Variants in PKD1L1 observed in about 807,000 individuals in gnomAD.
PKD1L1 encodes the protein polycystin 1 like 1, transient receptor potential channel interacting, also known as polycystin-1-like protein 1.
A neutral mutation model predicts 323.4 loss-of-function variants in PKD1L1; 236 were observed. The ratio of observed to expected loss-of-function variants is 0.73; its 90% CI spans 0.66 to 0.81. PKD1L1 has a LOEUF of 0.81. PKD1L1 is among the 40% of genes least tolerant of loss of function. The pLI is 0.00. For missense variants in PKD1L1, 3,320 were observed against 3,508.0 expected (o/e 0.95, Z 1.35); for synonymous variants, 1,344 against 1,335.0 (o/e 1.01, Z -0.15).
At chr7:47,829,894 A>G (rs930132377) in intron 43 of PKD1L1, 146 bp downstream of exon 43, 10 of 833,070 alleles carry the variant, frequency 1.2e-5, no homozygotes, top group Non-Finnish European at 2.0e-5. Context: ...CTTAGCACAG[A>G]GCCTGGCTCC....
intron 46 of PKD1L1, chr7:47,819,623 C>A: frequency 3.2e-6 from 4 of 1,265,350 alleles, no homozygotes; most frequent in South Asian, 1.2e-5. Flanking sequence ...CACTTAATTT[C>A]ACTATTACAA....
chr7:47,784,553 A>T (rs1161289146), intron 56 of PKD1L1, among the ~76,000 whole-genome samples: 2 of 152,058 alleles, frequency 1.3e-5, no homozygotes, highest in East Asian at 3.9e-4. Flanking sequence ...GCTCACTGCA[A>T]CCTCCATCTC....
chr7:47,826,465 G>T (rs988818574), intron 45 of PKD1L1, among the ~76,000 whole-genome samples: 4 of 152,126 alleles, frequency 2.6e-5, no homozygotes, highest in African/African-American at 7.2e-5. Context: ...TCCTTGGAAA[G>T]GGATATGAAA....
Position 47,839,655 on chromosome 7 carries a change from C to T in PKD1L1, c.5560G>A (p.Ala1854Thr). The change falls in exon 36 of 57, where the codon GCC (alanine) becomes ACC (threonine). Residue 1854 changes from alanine (A) to threonine (T), a missense_variant. Coordinates refer to ENST00000289672, the MANE Select transcript of PKD1L1 (RefSeq NM_138295.5). This position sits in a 1 kb window ranked among gnomAD's most constrained non-coding sequence, Gnocchi z 4.3. ...SRHTFILSAP[A>T]QLGLLRKIRL... ...ATCTTCCTCAGCAGGCCCAGTTGGGCAGGAGCGCTGGAGGCACACACAGCA... is the reference window on the plus strand; with the variant it reads ...ATCTTCCTCAGCAGGCCCAGTTGGGTAGGAGCGCTGGAGGCACACACAGCA... The T allele has an allele frequency of 6.4e-7, 1 of 1,566,176 alleles. No individual in the cohort carries two copies. Among genetic ancestry groups the T allele is most frequent in the Non-Finnish European group, 8.7e-7 (1 of 1,155,090 alleles).
chr7:47,801,198 T>C (rs1434257103), intron 53 of PKD1L1, among the ~76,000 whole-genome samples: 1 of 152,084 alleles, frequency 6.6e-6, no homozygotes, highest in Non-Finnish European at 1.5e-5. Flanking sequence ...CCTGCTCCCC[T>C]GGCCTTTGGC....
intron 47 of PKD1L1, among the ~76,000 whole-genome samples, chr7:47,814,760 C>T (rs1277907985): frequency 6.6e-6 from 1 of 152,214 alleles, no homozygotes; most frequent in Non-Finnish European, 1.5e-5. Flanking sequence ...GATCCACCTG[C>T]CTCAGCTTCC....
chr7:47,857,873 A>G (rs1785940387), intron 27 of PKD1L1, 41 bp from the exon 28 acceptor site: 1 of 1,573,290 alleles, frequency 6.4e-7, no homozygotes, highest in Non-Finnish European at 8.7e-7. Flanking sequence ...TTATAACACA[A>G]ATGCACAAAC....
chr7:47,957,864 T>C, the PKD1L1 span, among the ~76,000 whole-genome samples: 1 of 135,250 alleles, frequency 7.4e-6, no homozygotes, highest in East Asian at 2.1e-4. Context: ...TAAAAAAAAA[T>C]ATATATATAT....
At chr7:47,943,164 ATATATATATATATATATATATATAT>A (rs1788030422) in intron 2 of PKD1L1, among the ~76,000 whole-genome samples, 1 of 25,676 alleles carries the variant, frequency 3.9e-5, no homozygotes, top group Admixed American at 5.6e-4. Flanking sequence ...AAAAAAAAAA[ATATATATATATATATATATATATAT>A]ATATATATGT....
chr7:47,800,311 C>T (rs1243266495), intron 54 of PKD1L1, among the ~76,000 whole-genome samples: 1 of 152,222 alleles, frequency 6.6e-6, no homozygotes, highest in African/African-American at 2.4e-5. Context: ...GAAAAGGCAA[C>T]AGATACCCCT....
At position 47,839,313 on chromosome 7, in the gene PKD1L1, T is replaced by C. The variant is rs562558383; in HGVS notation, c.5769+133A>G. The C allele has an allele frequency of 3.9e-5, 26 of 660,048 alleles. No homozygotes were observed. In the African/African-American group the frequency reaches 4.2e-4, roughly 11 times the overall value. 40.9% of individuals were successfully genotyped at this position (660,048 alleles called of 1,614,324 possible). A position where few individuals can be genotyped will look rare whatever the true frequency, so the allele number is the denominator to read the frequency against. ...ATCATTTAATATTTTGATATCGTGG[T>C]AATTAACTAAGAAAAGAGGAATACA... On this transcript the variant is annotated intron_variant, in intron 36 of 56. Coordinates refer to ENST00000289672, the MANE Select transcript of PKD1L1 (RefSeq NM_138295.5). The surrounding 1 kb of genome is among the most constrained non-coding windows in gnomAD (Gnocchi z 4.3).
At chr7:47,871,359 T>C (rs1196189864) in intron 24 of PKD1L1, among the ~76,000 whole-genome samples, 5 of 152,182 alleles carry the variant, frequency 3.3e-5, no homozygotes, top group East Asian at 1.9e-4. Flanking sequence ...AAGACACTAA[T>C]AGGCTCAGTG....
chr7:47,895,928 G>A (rs116780774), intron 14 of PKD1L1, among the ~76,000 whole-genome samples: 3,425 of 152,264 alleles, frequency 0.022, 140 homozygotes, highest in African/African-American at 0.077. Context: ...ATAGAGAAAA[G>A]GGGAGAAAAA....
intron 19 of PKD1L1, among the ~76,000 whole-genome samples, chr7:47,884,114 C>T (rs1746586554): frequency 6.6e-6 from 1 of 151,616 alleles, no homozygotes; most frequent in East Asian, 1.9e-4. Context: ...TGCCAGGTGC[C>T]ACCTGCTTCC....
chr7:47,940,137 CTGTACA>C, intron 3 of PKD1L1, 50 bp downstream of exon 3: 1 of 1,600,292 alleles, frequency 6.2e-7, no homozygotes, highest in East Asian at 2.2e-5. Context: ...TTTAGCTGTA[CTGTACA>C]TGTACTGTAT....
the PKD1L1 span, among the ~76,000 whole-genome samples, chr7:47,957,858 A>ATATATATATATAT: frequency 6.2e-4 from 30 of 48,152 alleles, no homozygotes; most frequent in Non-Finnish European, 1.2e-3. Flanking sequence ...TACAATTAAA[A>ATATATATATATAT]AAAAATATAT....
At chr7:47,960,888 T>G in the PKD1L1 span, among the ~76,000 whole-genome samples, 1 of 145,720 alleles carries the variant, frequency 6.9e-6, no homozygotes, top group South Asian at 2.2e-4. Context: ...AAAGATTAGC[T>G]TTGTTTGGGC....
intron 24 of PKD1L1, among the ~76,000 whole-genome samples, chr7:47,870,266 TAGAGA>T (rs1353379080): frequency 6.6e-6 from 1 of 150,480 alleles, no homozygotes; most frequent in Admixed American, 6.6e-5. Flanking sequence ...ATGAATGAAA[TAGAGA>T]ATAGAAAAAC....
At chr7:47,866,287 G>A (rs1339281680) in intron 25 of PKD1L1, 132 bp downstream of exon 25, 7 of 831,760 alleles carry the variant, frequency 8.4e-6, no homozygotes, top group East Asian at 2.6e-5. Context: ...AGCTGAGCTG[G>A]CTGGCCCTCT....
Sources: gnomAD v4.1 joint callset for allele counts (sites outside exome capture counted in the v4.1 genomes callset) on GRCh38, gnomAD v4.1.1 for gene constraint, Gnocchi (gnomAD v3.1) non-coding constraint, MANE v1.5 for transcripts, NCBI Gene and HGNC (gene_info 2026-07-23, HGNC 2026-07-21) for gene names.